The following LAMA3 variants were observed in gnomAD, a reference collection of about 807,000 sequenced individuals.
The protein encoded by LAMA3 is laminin subunit alpha 3.
LAMA3 carries 281 observed loss-of-function variants against 402.0 expected under a neutral mutation model. That is an observed-to-expected ratio of 0.70 (90% CI 0.63 to 0.77). The LOEUF (loss-of-function observed/expected upper bound fraction) is 0.77, where lower values mean the gene tolerates loss of function less well. LAMA3 is among the 30% of genes least tolerant of loss of function. The pLI, the probability that LAMA3 is intolerant of heterozygous loss-of-function variation, is 0.00. For missense variants in LAMA3, 3,840 were observed against 4,215.5 expected (o/e 0.91, Z 2.47); for synonymous variants, 1,431 against 1,558.4 (o/e 0.92, Z 1.93).
chr18:23,841,025 A>G (rs1266574313), intron 27 of LAMA3, among the ~76,000 whole-genome samples: 3 of 152,238 alleles, frequency 2.0e-5, no homozygotes, highest in Non-Finnish European at 4.4e-5. Context: ...TTATGTCCTT[A>G]TAATCTCAAA....
At chr18:23,922,669 A>G (rs1268319136) in intron 62 of LAMA3, among the ~76,000 whole-genome samples, 1 of 152,208 alleles carries the variant, frequency 6.6e-6, no homozygotes, top group Non-Finnish European at 1.5e-5. Flanking sequence ...ATTAATATTT[A>G]ATATTATCAA....
At chr18:23,805,026 T>C (rs555942501) in intron 12 of LAMA3, among the ~76,000 whole-genome samples, 64 of 152,222 alleles carry the variant, frequency 4.2e-4, no homozygotes, top group Non-Finnish European at 8.5e-4. Flanking sequence ...CAGGTATTTC[T>C]TTATAGCAAC....
intron 13 of LAMA3, 63 bp downstream of exon 13, chr18:23,810,566 C>T: frequency 4.4e-6 from 7 of 1,588,564 alleles, no homozygotes; most frequent in Non-Finnish European, 6.0e-6. Context: ...AGCCAGCCTC[C>T]CAGAGAAGCC....
At position 23,901,281 on chromosome 18, in the gene LAMA3, T is replaced by A; in HGVS notation, c.6159T>A (p.Asn2053Lys). 6.2e-7 allele frequency: 1 copy of A among 1,614,118 alleles called. No homozygotes were observed. The highest frequency in any genetic ancestry group is 8.5e-7 in the Non-Finnish European group (1 of 1,180,012). ...CAGCTGCCCAAGCCAAGCAGGCAAA[T>A]GGCTTGAACCAAGAAAACGAGAGAG... ...QEAAAQAKQA[N>K]GLNQENERAL... The change falls in exon 48 of 75, where the codon AAT (asparagine) becomes AAA (lysine). Residue 2053 changes from asparagine to lysine, a missense_variant. By Grantham distance (94) the Asn-to-Lys change is moderately conservative (BLOSUM62 0). Around this residue, in one of 3 missense-constraint regions of LAMA3, gnomAD observed 891 missense variants for 857.5 expected, o/e 1.04. Transcript: ENST00000313654.
At chr18:23,690,042 G>C (rs1027225931) in intron 1 of LAMA3, 65 bp downstream of exon 1, 9 of 1,254,782 alleles carry the variant, frequency 7.2e-6, no homozygotes, top group Non-Finnish European at 8.4e-6. Flanking sequence ...CAGACACCCG[G>C]AGAAGGGATC....
At position 23,867,650 on chromosome 18, in the gene LAMA3, G is replaced by T. The variant is rs148101371; in HGVS notation, c.4684-184G>T. Among the ~76,000 whole-genome samples, 1,009 of 151,828 alleles carry T rather than the reference G, an allele frequency of 6.6e-3. 11 individuals are homozygous for T. The highest frequency in any genetic ancestry group is 0.023 in the African/African-American group (949 of 41,402). The stretch of plus-strand genomic sequence containing the variant: ...GATTTCCTATTTGTGAAAAGACACT[G>T]TGTTACTTATAATTATTCTGTTTCC... On this transcript the variant is annotated intron_variant, in intron 36 of 74. Coordinates refer to ENST00000313654, the MANE Select transcript of LAMA3 (RefSeq NM_198129.4).
intron 12 of LAMA3, among the ~76,000 whole-genome samples, chr18:23,801,264 C>A (rs538601909): frequency 1.9e-4 from 29 of 152,150 alleles, no homozygotes; most frequent in African/African-American, 6.7e-4. Flanking sequence ...AAGATGAGAA[C>A]AAAAGACACT....
At chr18:23,810,948 C>T (rs1598838597) in intron 13 of LAMA3, among the ~76,000 whole-genome samples, 1 of 152,190 alleles carries the variant, frequency 6.6e-6, no homozygotes, top group African/African-American at 2.4e-5. Flanking sequence ...GCAGGCTTAG[C>T]AGGACCTTTG....
At position 23,839,894 on chromosome 18, in the gene LAMA3, G is replaced by A; in HGVS notation, c.3301G>A (p.Asp1101Asn). The part of the protein sequence containing the change: ...HLPQQSSPSV[D>N]VLPGVTLKAP... ...GCCCCAGCAGTCGTCACCTTCTGTTGATGTTCTTCCTGGGGTCACCTTGAA... is the reference window on the plus strand; with the variant it reads ...GCCCCAGCAGTCGTCACCTTCTGTTAATGTTCTTCCTGGGGTCACCTTGAA... Residue 1101 changes from aspartate (D) to asparagine (N), a missense_variant, in exon 27 of 75, where the codon GAT (aspartate) becomes AAT (asparagine). Physicochemically the swap from Asp to Asn is conservative, Grantham distance 23. Around this residue, in one of 3 missense-constraint regions of LAMA3, gnomAD observed 2,109 missense variants for 2,376.0 expected, o/e 0.89. Coordinates refer to ENST00000313654, the MANE Select transcript of LAMA3 (RefSeq NM_198129.4). The surrounding 1 kb of genome is among the most constrained non-coding windows in gnomAD (Gnocchi z 4.5). 6.2e-7 allele frequency: 1 copy of A among 1,614,186 alleles called. No homozygotes were observed.
In LAMA3 at chr18:23,884,837, G is replaced by A; in HGVS notation, c.5287G>A (p.Gly1763Arg). Residue 1763 changes from glycine to arginine, a missense_variant, in exon 41 of 75, where the codon GGA becomes AGA. By Grantham distance (125) the Gly-to-Arg change is moderately radical. Transcript: ENST00000313654. Reference protein sequence around the residue: ...VRCSCKAGYTGTQCERCAPGY... With the variant: ...VRCSCKAGYTRTQCERCAPGY... ...GTGCTCCTGCAAAGCTGGGTACACA[G>A]GAACACAGTGTGAAAGGTAAGGTGG... 1 of 1,612,300 alleles carries A rather than the reference G, an allele frequency of 6.2e-7. No homozygotes were observed. The highest frequency in any genetic ancestry group is 2.2e-5 in the East Asian group (1 of 44,778).
At chr18:23,858,922 T>G in intron 34 of LAMA3, 93 bp downstream of exon 34, 1 of 1,337,544 alleles carries the variant, frequency 7.5e-7, no homozygotes, top group Admixed American at 1.7e-5. Flanking sequence ...CTGCAGTGTT[T>G]TAAAATTCTT....
In LAMA3 at chr18:23,861,722, A is replaced by T; in HGVS notation, c.4499A>T (p.Asn1500Ile). The T allele has an allele frequency of 6.2e-7, 1 of 1,614,152 alleles. No homozygotes were observed. Among genetic ancestry groups the T allele is most frequent in the Non-Finnish European group, 8.5e-7 (1 of 1,180,008 alleles). Residue 1500 changes from asparagine (N) to isoleucine (I), a missense_variant, in exon 35 of 75, where the codon AAC becomes ATC. This residue lies in a region of LAMA3 where 2,109 missense variants were observed against 2,376.0 expected (regional missense o/e 0.89). Coordinates refer to ENST00000313654, the MANE Select transcript of LAMA3 (RefSeq NM_198129.4). ...DIPVSFNPGSNSMVADLQELP... is the reference protein window; with the variant it reads ...DIPVSFNPGSISMVADLQELP... The stretch of plus-strand genomic sequence containing the variant: ...CCTGTCTCTTTCAACCCAGGCAGCA[A>T]CAGTATGGTGGCGGATCTCCAGGAG...
intron 2 of LAMA3, among the ~76,000 whole-genome samples, chr18:23,728,253 C>T (rs1051261124): frequency 6.6e-6 from 1 of 152,156 alleles, no homozygotes; most frequent in South Asian, 2.1e-4. Flanking sequence ...GCCCAGTGAC[C>T]CAGGCTGGTG....
At chr18:23,796,356 T>C (rs1321202674) in intron 12 of LAMA3, among the ~76,000 whole-genome samples, 1 of 152,054 alleles carries the variant, frequency 6.6e-6, no homozygotes, top group African/African-American at 2.4e-5. Context: ...TCCACAGAAC[T>C]AGAAGTGGGG....
In LAMA3 at chr18:23,953,325, GTT is replaced by G. The variant is rs60412950; in HGVS notation, c.9856+227_9856+228del. The stretch of plus-strand genomic sequence containing the variant: ...CCCCTTGCCCCAAGCCTGTAATTTT[GTT>G]TTTTTTTTTTGTTTTTTTTTTTGTT... On this transcript the variant is annotated intron_variant, in intron 74 of 74. Coordinates refer to ENST00000313654, the MANE Select transcript of LAMA3 (RefSeq NM_198129.4). 0.022 allele frequency among the ~76,000 whole-genome samples: 3,003 copies of G among 133,942 alleles called. 54 individuals are homozygous for G. Among genetic ancestry groups the G allele is most frequent in the African/African-American group, 0.029 (1,054 of 35,762 alleles). The allele number at this position is 133,942 out of a possible 152,430, so 87.9% of individuals were successfully genotyped here. A position where few individuals can be genotyped will look rare whatever the true frequency, so the allele number is the denominator to read the frequency against.
rs758532136 is a variant in LAMA3 at position 23,912,837 on chromosome 18, G to C, written c.7285G>C (p.Gly2429Arg). The C allele has an allele frequency of 5.0e-6, 8 of 1,613,786 alleles. No homozygotes were observed. In the Admixed American group the frequency reaches 1.2e-4, roughly 24 times the overall value. Residue 2429 changes from glycine to arginine, a missense_variant, in exon 56 of 75, where the codon GGG (glycine) becomes CGG (arginine). Physicochemically the swap from Gly to Arg is moderately radical, Grantham distance 125. This residue lies in a region of LAMA3 where 891 missense variants were observed against 857.5 expected (regional missense o/e 1.04). Coordinates refer to ENST00000313654, the MANE Select transcript of LAMA3 (RefSeq NM_198129.4). ...FLQRPNSRENGGTENMFVMYL... is the reference protein window; with the variant it reads ...FLQRPNSRENRGTENMFVMYL... ...CCAAAGGCCCAACTCAAGAGAAAAT[G>C]GGGGTACTGAGAATATGTTTGTGAT...
chr18:23,925,298 G>T (rs896073177), intron 62 of LAMA3, among the ~76,000 whole-genome samples: 1 of 152,194 alleles, frequency 6.6e-6, no homozygotes, highest in Admixed American at 6.5e-5. Context: ...TGGGAATGGG[G>T]ACCCAGATCT....
chr18:23,949,063 T>C (rs1568380606), intron 70 of LAMA3, among the ~76,000 whole-genome samples: 1 of 152,030 alleles, frequency 6.6e-6, no homozygotes, highest in Non-Finnish European at 1.5e-5. Context: ...GTGTATAATA[T>C]AGGAGAGCAC....
chr18:23,827,695 A>G (rs1598872461), intron 23 of LAMA3, among the ~76,000 whole-genome samples: 2 of 152,008 alleles, frequency 1.3e-5, no homozygotes, highest in African/African-American at 4.8e-5. Context: ...ATGGCAGGGG[A>G]TGTGGGCATC....
Sources: allele counts gnomAD v4.1 joint callset (sites outside exome capture counted in the v4.1 genomes callset), GRCh38; gene constraint gnomAD v4.1.1; regional missense constraint gnomAD v4.1.1; non-coding constraint Gnocchi (gnomAD v3.1); transcripts MANE v1.5; gene names NCBI Gene and HGNC (gene_info 2026-07-23, HGNC 2026-07-21).